The following CD226 variants were observed in gnomAD, a reference collection of about 807,000 sequenced individuals.
The protein encoded by CD226 is CD226 antigen.
Under a neutral mutation model 34.9 loss-of-function variants are expected in CD226, and 24 were observed. That is an observed-to-expected ratio of 0.69 (90% CI 0.50 to 0.97). The LOEUF (loss-of-function observed/expected upper bound fraction) is 0.97, where lower values mean the gene tolerates loss of function less well. Ranked by LOEUF, CD226 falls within the 50% of genes least tolerant of loss-of-function variation. The probability of loss-of-function intolerance (pLI) is 0.00; values close to 1 mark genes in which losing one functional copy is unlikely to be tolerated. For synonymous variants in CD226, 148 were observed against 147.4 expected (o/e 1.00, Z -0.03); for missense variants, 397 against 412.7 (o/e 0.96, Z 0.33).
upstream of CD226, chr18:69,957,143 A>G (rs1450239576): frequency 2.0e-5 from 3 of 152,174 alleles, no homozygotes; most frequent in Non-Finnish European, 2.9e-5. Context: ...CAAAGAATCT[A>G]TAATTTGAAA....
At chr18:69,934,551 T>C (rs115818283) in intron 2 of CD226, among the ~76,000 whole-genome samples, 23 of 152,368 alleles carry the variant, frequency 1.5e-4, no homozygotes, top group African/African-American at 5.5e-4. Flanking sequence ...ATGATGCACA[T>C]AGCTATTTAC....
chr18:69,872,057 G>GT (rs141673924), intron 4 of CD226, among the ~76,000 whole-genome samples: 6 of 143,534 alleles, frequency 4.2e-5, no homozygotes, highest in South Asian at 2.3e-4. Context: ...ATTAACAAGG[G>GT]GTGTGTGTGT....
At chr18:69,877,065 TGTTA>T (rs1983919425) in intron 3 of CD226, among the ~76,000 whole-genome samples, 1 of 151,982 alleles carries the variant, frequency 6.6e-6, no homozygotes, top group South Asian at 2.1e-4. Context: ...GGTTTCACCA[TGTTA>T]GTCAGGCTGG....
chr18:69,888,656 G>T (rs901562869), intron 3 of CD226, among the ~76,000 whole-genome samples: 2 of 152,052 alleles, frequency 1.3e-5, no homozygotes, highest in African/African-American at 4.8e-5. Flanking sequence ...GAAAAGAGTT[G>T]AAAATTCAAT....
chr18:69,956,178 T>C (rs893111393), intron 1 of CD226, among the ~76,000 whole-genome samples: 2 of 152,238 alleles, frequency 1.3e-5, no homozygotes, highest in African/African-American at 2.4e-5. Flanking sequence ...AACAGTTTGG[T>C]TGGAGACAGC....
intron 3 of CD226, 116 bp from the exon 4 acceptor site, chr18:69,873,362 C>A: frequency 6.8e-6 from 4 of 584,694 alleles, no homozygotes; most frequent in Middle Eastern, 4.2e-4. Context: ...ACAAAGAATC[C>A]AACAAAAAAA....
At chr18:69,889,420 C>T (rs992038734) in intron 3 of CD226, among the ~76,000 whole-genome samples, 2 of 151,816 alleles carry the variant, frequency 1.3e-5, no homozygotes, top group Non-Finnish European at 2.9e-5. Flanking sequence ...ATCCTCATGT[C>T]CACAAGCTTT....
rs140375298 is a variant in CD226 at position 69,861,552 on chromosome 18, A to ATGTG, written c.*2761_*2762insCACA. 94 of 80,020 alleles carry ATGTG rather than the reference A, an allele frequency of 1.2e-3. 1 individual carries two copies. The highest frequency in any genetic ancestry group is 7.7e-3 in the Middle Eastern group (1 of 130). The allele number at this position is 80,020 out of a possible 1,614,324, so 5.0% of individuals were successfully genotyped here. ...ATATAAATTATATGTGTATATATAT[A>ATGTG]TGTATATATATATATATATATGTAA... is the stretch of plus-strand genomic sequence containing the variant. On this transcript the variant is annotated 3_prime_UTR_variant, in exon 6 of 6. Coordinates refer to ENST00000582621, the MANE Select transcript of CD226 (RefSeq NM_001303618.2).
chr18:69,889,007 C>G (rs1490638349), intron 3 of CD226, among the ~76,000 whole-genome samples: 6 of 151,706 alleles, frequency 4.0e-5, no homozygotes, highest in Non-Finnish European at 7.4e-5. Context: ...GCTTACAAAA[C>G]AAATTAACTG....
At chr18:69,945,478 G>A (rs925335327) in intron 2 of CD226, among the ~76,000 whole-genome samples, 21 of 152,136 alleles carry the variant, frequency 1.4e-4, no homozygotes, top group Non-Finnish European at 2.9e-4. Flanking sequence ...AACACTCCAA[G>A]GGATCATTGG....
intron 2 of CD226, among the ~76,000 whole-genome samples, chr18:69,906,754 C>A (rs570137946): frequency 6.6e-6 from 1 of 152,282 alleles, no homozygotes; most frequent in South Asian, 2.1e-4. Context: ...AAGATGAAAT[C>A]TTTGCTTGGG....
chr18:69,859,280 G>A lies in CD226; in HGVS notation c.*5034C>T, dbSNP rs766105947. ...GGAAGTTGACGTTGGTAGAATTCCT[G>A]CTGCATCACAGGGGAGTTTCAGGTC... On this transcript the variant is annotated 3_prime_UTR_variant, in exon 6 of 6. Coordinates refer to ENST00000582621, the MANE Select transcript of CD226 (RefSeq NM_001303618.2). 2.6e-5 allele frequency: 4 copies of A among 152,008 alleles called. No homozygotes were observed. The highest frequency in any genetic ancestry group is 5.9e-5 in the Non-Finnish European group (4 of 68,008). 9.4% of individuals were successfully genotyped at this position (152,008 alleles called of 1,614,324 possible). A position where few individuals can be genotyped will look rare whatever the true frequency, so the allele number is the denominator to read the frequency against.
At chr18:69,931,493 C>T (rs1343262343) in intron 2 of CD226, among the ~76,000 whole-genome samples, 3 of 152,084 alleles carry the variant, frequency 2.0e-5, no homozygotes. Context: ...ATTACAGCAT[C>T]AGGCATAGAT....
chr18:69,961,209 A>C (rs143023920), upstream of CD226, among the ~76,000 whole-genome samples: 2,534 of 152,362 alleles, frequency 0.017, 67 homozygotes, highest in African/African-American at 0.057. Context: ...ATGTACCTCA[A>C]GAATTTGTAG....
chr18:69,940,804 T>G (rs1218963629), intron 2 of CD226, among the ~76,000 whole-genome samples: 1 of 152,178 alleles, frequency 6.6e-6, no homozygotes, highest in African/African-American at 2.4e-5. Flanking sequence ...GAAATTTGCA[T>G]AAGTAATGAG....
intron 3 of CD226, among the ~76,000 whole-genome samples, chr18:69,886,046 G>T (rs1469489845): frequency 6.6e-6 from 1 of 152,186 alleles, no homozygotes; most frequent in African/African-American, 2.4e-5. Context: ...AGCTTCTGTT[G>T]TGATGAGTCT....
intron 2 of CD226, among the ~76,000 whole-genome samples, chr18:69,910,113 T>C (rs1324471841): frequency 2.0e-5 from 3 of 152,234 alleles, no homozygotes; most frequent in African/African-American, 7.2e-5. Context: ...TTATTTCTCT[T>C]ATGCATTTTA....
At chr18:69,924,473 T>C (rs17081843) in intron 2 of CD226, among the ~76,000 whole-genome samples, 4,283 of 145,486 alleles carry the variant, frequency 0.029, 221 homozygotes, top group African/African-American at 0.1. Flanking sequence ...AAAACTACAA[T>C]AAAATGCAAA....
chr18:69,944,817 T>A (rs866089313), intron 2 of CD226, among the ~76,000 whole-genome samples: 1 of 152,222 alleles, frequency 6.6e-6, no homozygotes, highest in Non-Finnish European at 1.5e-5. Context: ...TGAGGACTTG[T>A]ATGGTGAAAC....
Sources: allele counts gnomAD v4.1 joint callset (sites outside exome capture counted in the v4.1 genomes callset), GRCh38; gene constraint gnomAD v4.1.1; transcripts MANE v1.5; gene names NCBI Gene and HGNC (gene_info 2026-07-23, HGNC 2026-07-21).